The following MCTP2 variants were observed in gnomAD, a reference collection of about 807,000 sequenced individuals.
MCTP2 encodes the protein multiple C2 and transmembrane domain containing 2.
A neutral mutation model predicts 111.6 loss-of-function variants in MCTP2; 132 were observed. The ratio of observed to expected loss-of-function variants is 1.18; its 90% CI spans 1.03 to 1.37. The LOEUF is 1.37. Ranked by LOEUF, MCTP2 falls within the 40% of genes most tolerant of loss-of-function variation. MCTP2 has a pLI of 0.00. For synonymous variants in MCTP2, 395 were observed against 387.7 expected, an observed-to-expected ratio of 1.02 and a Z score of -0.22; for missense variants, 1,183 against 1,067.9, an observed-to-expected ratio of 1.11 and a Z score of -1.50.
intron 1 of MCTP2, among the ~76,000 whole-genome samples, chr15:94,251,945 C>T (rs777881398): frequency 6.6e-6 from 1 of 152,160 alleles, no homozygotes; most frequent in South Asian, 2.1e-4. Flanking sequence ...GGTTCATCCA[C>T]GTCCTAGCAA....
chr15:94,392,829 A>G (rs2081065534), intron 14 of MCTP2, among the ~76,000 whole-genome samples: 1 of 151,838 alleles, frequency 6.6e-6, no homozygotes, highest in South Asian at 2.1e-4. Context: ...AAACAAACAA[A>G]CAAACAAACA....
At chr15:94,311,785 C>T (rs1231585253) in intron 2 of MCTP2, among the ~76,000 whole-genome samples, 1 of 152,166 alleles carries the variant, frequency 6.6e-6, no homozygotes, top group African/African-American at 2.4e-5. Flanking sequence ...AATAAAAGCT[C>T]TGTTTTCATT....
At chr15:94,429,295 T>G (rs547837634) in intron 17 of MCTP2, among the ~76,000 whole-genome samples, 15 of 152,270 alleles carry the variant, frequency 9.9e-5, no homozygotes, top group South Asian at 8.3e-4. Flanking sequence ...CTCATAATTT[T>G]ATTTATCTCT....
intron 4 of MCTP2, among the ~76,000 whole-genome samples, chr15:94,326,903 A>G (rs572832201): frequency 1.8e-4 from 27 of 149,020 alleles, no homozygotes; most frequent in Non-Finnish European, 3.1e-4. Flanking sequence ...AATTTGATAG[A>G]AGGAAAGTGT....
chr15:94,399,879 C>A (rs1296464633), intron 15 of MCTP2, 42 bp from the exon 16 acceptor site: 1 of 1,543,866 alleles, frequency 6.5e-7, no homozygotes, highest in South Asian at 1.1e-5. Flanking sequence ...GGATGAAGTC[C>A]CTATACATGC....
At chr15:94,372,218 A>G (rs1286049351) in intron 12 of MCTP2, among the ~76,000 whole-genome samples, 1 of 152,236 alleles carries the variant, frequency 6.6e-6, no homozygotes, top group Non-Finnish European at 1.5e-5. Flanking sequence ...GTGTTTCACT[A>G]TTTCTGTATT....
intron 1 of MCTP2, among the ~76,000 whole-genome samples, chr15:94,243,316 CGTA>C (rs2071228577): frequency 7.8e-6 from 1 of 128,574 alleles, no homozygotes; most frequent in Non-Finnish European, 1.7e-5. Flanking sequence ...CATACGTATG[CGTA>C]CATACGTATG....
intron 10 of MCTP2, among the ~76,000 whole-genome samples, chr15:94,364,378 G>A (rs2079082438): frequency 6.6e-6 from 1 of 152,112 alleles, no homozygotes; most frequent in Admixed American, 6.6e-5. Flanking sequence ...CATAGCCAAA[G>A]AGAGGACAGA....
intron 2 of MCTP2, among the ~76,000 whole-genome samples, chr15:94,301,945 A>C (rs2075635707): frequency 6.6e-6 from 1 of 151,768 alleles, no homozygotes; most frequent in East Asian, 1.9e-4. Flanking sequence ...CTTCCTAGTT[A>C]ATAGCTGGTG....
chr15:94,272,445 C>T (rs2073956384), intron 1 of MCTP2, among the ~76,000 whole-genome samples: 3 of 152,082 alleles, frequency 2.0e-5, no homozygotes, highest in African/African-American at 7.2e-5. Flanking sequence ...CTCTTCTGCT[C>T]GACCTTCAGC....
chr15:94,244,658 A>G (rs1223323990), intron 1 of MCTP2, among the ~76,000 whole-genome samples: 1 of 148,334 alleles, frequency 6.7e-6, no homozygotes, highest in East Asian at 2.0e-4. Context: ...GTATATGTAT[A>G]CACATACATA....
intron 1 of MCTP2, among the ~76,000 whole-genome samples, chr15:94,245,444 A>G (rs1381692541): frequency 7.2e-6 from 1 of 139,062 alleles, no homozygotes; most frequent in African/African-American, 2.6e-5. Context: ...ATATATACAC[A>G]TATATGTATA....
chr15:94,390,130 A>ATG (rs2080866732), intron 14 of MCTP2, among the ~76,000 whole-genome samples: 2 of 59,578 alleles, frequency 3.4e-5, no homozygotes, highest in African/African-American at 8.7e-5. Context: ...ATATATATAT[A>ATG]TACTTAGATG....
intron 17 of MCTP2, among the ~76,000 whole-genome samples, chr15:94,431,937 T>C (rs760832742): frequency 1.3e-5 from 2 of 152,186 alleles, no homozygotes; most frequent in Non-Finnish European, 2.9e-5. Context: ...CTGTGTGTGT[T>C]TGCTGCCCTT....
At chr15:94,272,508 C>T (rs767023230) in intron 1 of MCTP2, among the ~76,000 whole-genome samples, 2 of 152,094 alleles carry the variant, frequency 1.3e-5, no homozygotes, top group Non-Finnish European at 2.9e-5. Context: ...TTCTTTCCCA[C>T]TCTCTTCTGA....
At chr15:94,262,458 T>C (rs2073239701) in intron 1 of MCTP2, among the ~76,000 whole-genome samples, 1 of 152,228 alleles carries the variant, frequency 6.6e-6, no homozygotes, top group Non-Finnish European at 1.5e-5. Context: ...CTTTGAAATT[T>C]AACTTTAATT....
intron 19 of MCTP2, among the ~76,000 whole-genome samples, chr15:94,444,599 A>G (rs1394409143): frequency 6.6e-6 from 1 of 152,192 alleles, no homozygotes; most frequent in Non-Finnish European, 1.5e-5. Context: ...TGCTCTTCTC[A>G]TCTCTCTTGC....
At chr15:94,448,561 T>C (rs992279183) in intron 19 of MCTP2, among the ~76,000 whole-genome samples, 4 of 152,322 alleles carry the variant, frequency 2.6e-5, no homozygotes, top group African/African-American at 9.6e-5. Flanking sequence ...TTGGAGCATT[T>C]TGGGTTTCTG....
At chr15:94,235,422 A>C (rs188154144) in intron 1 of MCTP2, among the ~76,000 whole-genome samples, 1 of 152,150 alleles carries the variant, frequency 6.6e-6, no homozygotes, top group South Asian at 2.1e-4. Context: ...CTGTGCTTTA[A>C]GAAGCCCTCC....
Sources: allele counts gnomAD v4.1 joint callset (sites outside exome capture counted in the v4.1 genomes callset), GRCh38; gene constraint gnomAD v4.1.1; transcripts MANE v1.5; gene names NCBI Gene and HGNC (gene_info 2026-07-23, HGNC 2026-07-21).